BRD10: variants seen among roughly 807,000 people sequenced by gnomAD.
BRD10 encodes the protein uncharacterized bromodomain-containing protein 10.
chr9:5,964,123 A>G, the BRD10 span, among the ~76,000 whole-genome samples: 2 of 151,928 alleles, frequency 1.3e-5, no homozygotes, highest in Non-Finnish European at 2.9e-5. Context: ...CAGGCAACCC[A>G]CAAAATGGGA....
chr9:5,956,524 G>C, the BRD10 span, among the ~76,000 whole-genome samples: 1 of 152,068 alleles, frequency 6.6e-6, no homozygotes, highest in African/African-American at 2.4e-5. Flanking sequence ...TGTAAAACAA[G>C]GGATAATAGT....
chr9:5,956,993 T>C, the BRD10 span, among the ~76,000 whole-genome samples: 1 of 152,022 alleles, frequency 6.6e-6, no homozygotes, highest in Admixed American at 6.6e-5. Flanking sequence ...CAGGTAACTG[T>C]TTACAATTCT....
chr9:5,911,082 G>C, the BRD10 span, among the ~76,000 whole-genome samples: 2 of 152,202 alleles, frequency 1.3e-5, no homozygotes, highest in African/African-American at 2.4e-5. Context: ...TTGGATGCCT[G>C]TGCTATGTAG....
the BRD10 span, among the ~76,000 whole-genome samples, chr9:5,889,187 T>A: frequency 1.3e-5 from 2 of 152,296 alleles, no homozygotes; most frequent in East Asian, 3.9e-4. Context: ...AAAAGCCCAA[T>A]TGTCCATGAC....
chr9:5,897,644 A>G, the BRD10 span: 2 of 1,613,858 alleles, frequency 1.2e-6, no homozygotes, highest in Non-Finnish European at 1.7e-6. Context: ...ATGGATACAG[A>G]GCCTTGATGG....
chr9:5,956,125 A>T, the BRD10 span, among the ~76,000 whole-genome samples: 1 of 145,664 alleles, frequency 6.9e-6, no homozygotes, highest in Non-Finnish European at 1.5e-5. Context: ...TGATTAGCTT[A>T]AAAAAAAAGC....
chr9:5,977,440 T>C, the BRD10 span, among the ~76,000 whole-genome samples: 1 of 152,200 alleles, frequency 6.6e-6, no homozygotes. Flanking sequence ...TCCTCAGTAG[T>C]GTAGTAAATA....
At chr9:5,879,190 C>T in the BRD10 span, among the ~76,000 whole-genome samples, 242 of 152,146 alleles carry the variant, frequency 1.6e-3, no homozygotes, top group African/African-American at 5.6e-3. Context: ...AGGCTGGGTG[C>T]GGTGGCTCAC....
the BRD10 span, among the ~76,000 whole-genome samples, chr9:5,960,247 C>T: frequency 1.3e-5 from 2 of 152,032 alleles, no homozygotes; most frequent in Non-Finnish European, 2.9e-5. Context: ...GAGGTGCTAC[C>T]ATAAAGTGAT....
At chr9:5,897,589 T>C in the BRD10 span, 3 of 1,614,164 alleles carry the variant, frequency 1.9e-6, no homozygotes, top group African/African-American at 2.7e-5. Flanking sequence ...ACAGTGATCC[T>C]GGGAGTCTTA....
the BRD10 span, chr9:5,933,826 G>A: frequency 2.1e-6 from 1 of 471,188 alleles, no homozygotes. Flanking sequence ...AACACTGGCT[G>A]GAGTGTGGCA....
At chr9:5,913,593 G>A in the BRD10 span, among the ~76,000 whole-genome samples, 1 of 152,194 alleles carries the variant, frequency 6.6e-6, no homozygotes, top group East Asian at 1.9e-4. Flanking sequence ...GGTTGTAAAA[G>A]AGAGCCCTTT....
chr9:5,937,586 A>T, the BRD10 span, among the ~76,000 whole-genome samples: 3 of 152,214 alleles, frequency 2.0e-5, no homozygotes, highest in African/African-American at 7.2e-5. Flanking sequence ...TCTTGACTAC[A>T]GAAGGATCTG....
the BRD10 span, chr9:5,944,936 G>T: frequency 6.5e-7 from 1 of 1,538,472 alleles, no homozygotes; most frequent in Non-Finnish European, 8.8e-7. Flanking sequence ...AATTCCCTGA[G>T]TTCATCAAGA....
the BRD10 span, among the ~76,000 whole-genome samples, chr9:5,950,058 TAAC>T: frequency 6.6e-6 from 1 of 152,198 alleles, no homozygotes; most frequent in Non-Finnish European, 1.5e-5. Flanking sequence ...TAATGCATCA[TAAC>T]AATACAACAG....
chr9:5,961,787 C>T, the BRD10 span, among the ~76,000 whole-genome samples: 151,678 of 152,298 alleles, frequency 1, 75,530 homozygotes, highest in East Asian at 1. Flanking sequence ...TTCTGAAAAG[C>T]AGATTAAAAT....
At chr9:5,932,370 G>T in the BRD10 span, among the ~76,000 whole-genome samples, 2 of 151,866 alleles carry the variant, frequency 1.3e-5, no homozygotes, top group African/African-American at 4.8e-5. Context: ...AGTTATACAG[G>T]GAAGTACAGT....
the BRD10 span, chr9:5,909,833 A>G: frequency 2.0e-5 from 3 of 152,238 alleles, no homozygotes; most frequent in Non-Finnish European, 2.9e-5. Flanking sequence ...GAATGGTGTC[A>G]TTATTTGCAT....
chr9:5,999,782 C>G, the BRD10 span, among the ~76,000 whole-genome samples: 31 of 152,212 alleles, frequency 2.0e-4, no homozygotes, highest in African/African-American at 7.5e-4. Context: ...TTAGTTTATC[C>G]ACTTGTGTCT....
Sources: gnomAD v4.1 joint callset for allele counts (sites outside exome capture counted in the v4.1 genomes callset) on GRCh38, gnomAD v4.1.1 for gene constraint, MANE v1.5 for transcripts, NCBI Gene and HGNC (gene_info 2026-07-23, HGNC 2026-07-21) for gene names.